The following GFRA2 variants were observed in gnomAD, a reference collection of about 807,000 sequenced individuals.
GFRA2 encodes GDNF family receptor alpha-2.
Under a neutral mutation model 48.3 loss-of-function variants are expected in GFRA2, and 17 were observed. That is an observed-to-expected ratio of 0.35 (90% CI 0.24 to 0.53). The LOEUF (loss-of-function observed/expected upper bound fraction) is 0.53, where lower values mean the gene tolerates loss of function less well. Among genes scored for constraint, GFRA2 ranks in the 20% least tolerant of loss-of-function variants. GFRA2 has a pLI of 0.93. For synonymous variants in GFRA2, 305 were observed against 257.2 expected, an observed-to-expected ratio of 1.19 and a Z score of -1.78; for missense variants, 660 against 637.3, an observed-to-expected ratio of 1.04 and a Z score of -0.38.
chr8:21,735,361 G>C (rs1804400634), intron 4 of GFRA2, among the ~76,000 whole-genome samples: 1 of 151,964 alleles, frequency 6.6e-6, no homozygotes, highest in Admixed American at 6.6e-5. Flanking sequence ...GAAAGATGTG[G>C]AAACCAAGCC....
intron 2 of GFRA2, among the ~76,000 whole-genome samples, chr8:21,779,207 G>A (rs970510174): frequency 2.6e-4 from 40 of 152,284 alleles, no homozygotes; most frequent in African/African-American, 8.9e-4. Flanking sequence ...CTCAAAAAAC[G>A]AGATTTGGAA....
At chr8:21,807,776 G>A (rs1011768419) in intron 1 of GFRA2, among the ~76,000 whole-genome samples, 14 of 152,190 alleles carry the variant, frequency 9.2e-5, no homozygotes, top group African/African-American at 3.4e-4. Context: ...AAGGATACTG[G>A]GAGTGAAAGC....
intron 3 of GFRA2, among the ~76,000 whole-genome samples, chr8:21,773,410 G>A (rs1806531688): frequency 6.6e-6 from 1 of 152,188 alleles, no homozygotes; most frequent in Non-Finnish European, 1.5e-5. Flanking sequence ...GCCACCCACT[G>A]GCCAGTGCCT....
At chr8:21,733,224 G>A (rs1011099813) in intron 4 of GFRA2, among the ~76,000 whole-genome samples, 1 of 152,066 alleles carries the variant, frequency 6.6e-6, no homozygotes, top group African/African-American at 2.4e-5. Context: ...TCCTCCGGCT[G>A]CAGCCACTCC....
intron 4 of GFRA2, among the ~76,000 whole-genome samples, chr8:21,729,064 G>T (rs1399300775): frequency 1.3e-5 from 2 of 152,222 alleles, no homozygotes; most frequent in Non-Finnish European, 2.9e-5. Flanking sequence ...CCCAGGCCTG[G>T]AAAACAAGGC....
chr8:21,779,297 C>G (rs1051613990), intron 2 of GFRA2, among the ~76,000 whole-genome samples: 1 of 152,242 alleles, frequency 6.6e-6, no homozygotes, highest in Non-Finnish European at 1.5e-5. Flanking sequence ...TAAACGCACA[C>G]AGCATCGTGC....
At chr8:21,789,621 G>T (rs1399086644), upstream of GFRA2, among the ~76,000 whole-genome samples, 3 of 151,904 alleles carry the variant, frequency 2.0e-5, no homozygotes, top group African/African-American at 7.3e-5. Context: ...GCGCGCCCCC[G>T]AACCCAACGC....
intron 4 of GFRA2, among the ~76,000 whole-genome samples, chr8:21,748,804 T>A (rs1805133682): frequency 6.6e-6 from 1 of 152,032 alleles, no homozygotes; most frequent in Non-Finnish European, 1.5e-5. Flanking sequence ...AATCCCCATT[T>A]CTCCAACAGC....
chr8:21,753,929 G>A (rs765040441), intron 3 of GFRA2, among the ~76,000 whole-genome samples: 23 of 152,074 alleles, frequency 1.5e-4, no homozygotes, highest in East Asian at 3.9e-4. Context: ...CCATCACGGC[G>A]TGGCCACAGG....
At position 21,723,155 on chromosome 8, in the gene GFRA2, T is replaced by C. The variant is rs547938071; in HGVS notation, c.795-17114A>G. Among the ~76,000 whole-genome samples the C allele has an allele frequency of 1.8e-4, 27 of 152,248 alleles. No individual in the cohort carries two copies. The South Asian group carries it at 5.0e-3, about 28-fold the overall frequency. On this transcript the variant is annotated intron_variant, in intron 4 of 8. Transcript: ENST00000524240. ...AAAGCATCCAGGTAGACTCTTCCCATGGGGCAGAAAAAGGATGGGACTTCT... is the reference window on the plus strand; with the variant it reads ...AAAGCATCCAGGTAGACTCTTCCCACGGGGCAGAAAAAGGATGGGACTTCT...
In GFRA2 at chr8:21,750,909, C is replaced by T. The variant is rs776935350; in HGVS notation, c.473G>A (p.Ser158Asn). The change falls in exon 4 of 9, where the codon AGC (serine) becomes AAC (asparagine). Residue 158 changes from serine (S) to asparagine (N), a missense_variant. Transcript: ENST00000524240. This position sits in a 1 kb window ranked among gnomAD's most constrained non-coding sequence, Gnocchi z 5.7. ...TGADPVVSAKSNHCLDAAKAC... is the reference protein window; with the variant it reads ...TGADPVVSAKNNHCLDAAKAC... Reference sequence around the variant, plus strand: ...CTTGGCAGCATCCAGGCAATGGTTGCTCTTGGCGCTGACCACCGGGTCTGC... The same window carrying T: ...CTTGGCAGCATCCAGGCAATGGTTGTTCTTGGCGCTGACCACCGGGTCTGC... 1 of 1,613,366 alleles carries T rather than the reference C, an allele frequency of 6.2e-7. No homozygotes were observed. Among genetic ancestry groups the T allele is most frequent in the African/African-American group, 1.3e-5 (1 of 74,896 alleles).
At chr8:21,715,295 T>C (rs528936293) in intron 4 of GFRA2, among the ~76,000 whole-genome samples, 3 of 152,224 alleles carry the variant, frequency 2.0e-5, no homozygotes, top group Admixed American at 6.5e-5. Context: ...TTGGGCCAGA[T>C]AGTTTTGTTT....
intron 4 of GFRA2, among the ~76,000 whole-genome samples, chr8:21,747,798 A>ACG (rs1805085158): frequency 1.3e-5 from 2 of 149,628 alleles, no homozygotes; most frequent in South Asian, 4.3e-4. Flanking sequence ...ACACACACAC[A>ACG]CACGCATGCA....
intron 3 of GFRA2, among the ~76,000 whole-genome samples, chr8:21,754,046 T>C (rs546650658): frequency 2.3e-4 from 35 of 152,370 alleles, no homozygotes; most frequent in African/African-American, 7.7e-4. Flanking sequence ...TGTTACCTAA[T>C]GTGTGAGTCC....
intron 3 of GFRA2, among the ~76,000 whole-genome samples, chr8:21,761,843 G>A (rs1040382598): frequency 1.3e-4 from 20 of 152,048 alleles, no homozygotes; most frequent in Non-Finnish European, 2.2e-4. Flanking sequence ...CCAGCTACTC[G>A]GGAGGCTGAG....
At chr8:21,778,991 C>T (rs1806843172) in intron 2 of GFRA2, among the ~76,000 whole-genome samples, 1 of 151,872 alleles carries the variant, frequency 6.6e-6, no homozygotes, top group Admixed American at 6.6e-5. Context: ...GCTTGAGCTC[C>T]AGAGTTCAAG....
At chr8:21,801,334 T>G (rs1162806176) in intron 2 of GFRA2, among the ~76,000 whole-genome samples, 1 of 152,152 alleles carries the variant, frequency 6.6e-6, no homozygotes, top group Non-Finnish European at 1.5e-5. Context: ...GCTAATGTTG[T>G]GCTTGCTAAT....
intron 7 of GFRA2, among the ~76,000 whole-genome samples, chr8:21,695,566 T>C (rs1802121741): frequency 6.6e-6 from 1 of 152,026 alleles, no homozygotes; most frequent in Non-Finnish European, 1.5e-5. Flanking sequence ...ACGGTGATGA[T>C]TAGCACAGCG....
intron 1 of GFRA2, among the ~76,000 whole-genome samples, chr8:21,786,791 C>T (rs895514396): frequency 2.6e-5 from 4 of 152,138 alleles, no homozygotes; most frequent in African/African-American, 7.2e-5. Context: ...CCTAGTCTGG[C>T]GAGCACTTCT....
Sources: gnomAD v4.1 joint callset for allele counts (sites outside exome capture counted in the v4.1 genomes callset) on GRCh38, gnomAD v4.1.1 for gene constraint, Gnocchi (gnomAD v3.1) non-coding constraint, MANE v1.5 for transcripts, NCBI Gene and HGNC (gene_info 2026-07-23, HGNC 2026-07-21) for gene names.